Variants in DZIP3 observed in about 807,000 individuals in gnomAD.
The protein encoded by DZIP3 is E3 ubiquitin-protein ligase DZIP3.
A neutral mutation model predicts 162.0 loss-of-function variants in DZIP3; 118 were observed. That is an observed-to-expected ratio of 0.73 (90% CI 0.63 to 0.85). The LOEUF is 0.85. Ranked by LOEUF, DZIP3 falls within the 40% of genes least tolerant of loss-of-function variation. The probability of loss-of-function intolerance (pLI) is 0.00; values close to 1 mark genes in which losing one functional copy is unlikely to be tolerated. For synonymous variants in DZIP3, 438 were observed against 458.6 expected (o/e 0.96, Z 0.57); for missense variants, 1,331 against 1,407.0 (o/e 0.95, Z 0.86).
intron 1 of DZIP3, among the ~76,000 whole-genome samples, chr3:108,592,021 C>G (rs1939450537): frequency 6.6e-6 from 1 of 151,242 alleles, no homozygotes. Context: ...GTCCCAATGA[C>G]CAAAGGCCTT....
At chr3:108,654,481 A>G (rs1451615730) in intron 19 of DZIP3, 171 bp downstream of exon 19, 2 of 645,500 alleles carry the variant, frequency 3.1e-6, no homozygotes, top group Admixed American at 6.3e-5. Context: ...TAGAATAAGG[A>G]AAAAAAAGAA....
intron 2 of DZIP3, among the ~76,000 whole-genome samples, chr3:108,605,826 T>C (rs1425110844): frequency 1.3e-5 from 2 of 152,236 alleles, no homozygotes; most frequent in African/African-American, 4.8e-5. Context: ...GCATTTGTTG[T>C]ATTCCTAAAG....
At chr3:108,638,185 A>C (rs567145947) in intron 12 of DZIP3, among the ~76,000 whole-genome samples, 37 of 152,258 alleles carry the variant, frequency 2.4e-4, no homozygotes, top group African/African-American at 8.4e-4. Context: ...TTATATACCT[A>C]CCTGCATACT....
chr3:108,655,723 G>A (rs970717780), intron 19 of DZIP3, among the ~76,000 whole-genome samples: 6 of 152,322 alleles, frequency 3.9e-5, no homozygotes, highest in East Asian at 1.9e-4. Flanking sequence ...GGAAGCGCAC[G>A]GGGTCAGGGA....
chr3:108,629,823 A>G (rs1039179609), intron 8 of DZIP3, among the ~76,000 whole-genome samples: 1 of 151,340 alleles, frequency 6.6e-6, no homozygotes, highest in South Asian at 2.1e-4. Context: ...ATATATAAAT[A>G]TATAGTATTT....
Position 108,629,184 on chromosome 3 carries a change from A to C in DZIP3, c.696+8A>C, listed in dbSNP as rs192612525. ...TTACCTACAACTTTTAAAGTAAGAA[A>C]TTATTTAAGAGTAACATTTTATTTG... On this transcript the variant is annotated splice_region_variant and intron_variant, in intron 8 of 32. Coordinates refer to ENST00000361582, the MANE Select transcript of DZIP3 (RefSeq NM_014648.4). 733 of 1,502,984 alleles carry C rather than the reference A, an allele frequency of 4.9e-4. 3 individuals are homozygous for C. The African/African-American group carries it at 8.8e-3, about 18-fold the overall frequency. The allele number at this position is 1,502,984 out of a possible 1,614,324, so 93.1% of individuals were successfully genotyped here.
At chr3:108,607,529 G>C (rs1940448548) in intron 2 of DZIP3, among the ~76,000 whole-genome samples, 1 of 152,112 alleles carries the variant, frequency 6.6e-6, no homozygotes, top group Admixed American at 6.5e-5. Flanking sequence ...TTTCAGTTCA[G>C]TATATAATAC....
chr3:108,624,410 T>A lies in DZIP3; in HGVS notation c.376-34T>A, dbSNP rs545249886. The A allele has an allele frequency of 7.9e-6, 10 of 1,261,074 alleles. No homozygotes were observed. The East Asian group carries it at 2.4e-4, about 30-fold the overall frequency. 78.1% of individuals were successfully genotyped at this position (1,261,074 alleles called of 1,614,324 possible). On this transcript the variant is annotated intron_variant, in intron 5 of 32. Transcript: ENST00000361582. ...TGTTGTACTGAAAAGTAGCTTAGTC[T>A]AAATAACCAATTAACATATTTTTTT...
At chr3:108,659,826 C>T (rs528806105) in intron 19 of DZIP3, among the ~76,000 whole-genome samples, 6 of 152,152 alleles carry the variant, frequency 3.9e-5, no homozygotes, top group Non-Finnish European at 8.8e-5. Context: ...AAATCACAAG[C>T]ATTCTTATAC....
chr3:108,676,302 G>T (rs1297553801), intron 25 of DZIP3, among the ~76,000 whole-genome samples: 1 of 151,980 alleles, frequency 6.6e-6, no homozygotes, highest in Non-Finnish European at 1.5e-5. Context: ...AATAGAGTGA[G>T]ACTCTCTCTA....
chr3:108,670,853 G>A (rs1943903357), intron 22 of DZIP3, among the ~76,000 whole-genome samples: 1 of 151,898 alleles, frequency 6.6e-6, no homozygotes, highest in South Asian at 2.1e-4. Flanking sequence ...TATAAATGTG[G>A]TTTTGATTTG....
chr3:108,689,390 A>T (rs1233458357), intron 31 of DZIP3, among the ~76,000 whole-genome samples: 1 of 152,090 alleles, frequency 6.6e-6, no homozygotes, highest in Non-Finnish European at 1.5e-5. Context: ...TTGAGTTTTG[A>T]TGTTAGAAAA....
chr3:108,631,643 C>T (rs1226431419), intron 8 of DZIP3, among the ~76,000 whole-genome samples: 2 of 133,226 alleles, frequency 1.5e-5, no homozygotes, highest in Admixed American at 8.0e-5. Context: ...AGGCTGCTCT[C>T]AAACTCCTGG....
At chr3:108,659,606 C>A (rs1323697021) in intron 19 of DZIP3, among the ~76,000 whole-genome samples, 7 of 151,918 alleles carry the variant, frequency 4.6e-5, no homozygotes, top group Non-Finnish European at 1.0e-4. Context: ...CTCACCACTC[C>A]TATTCAACAT....
At chr3:108,642,417 T>C in intron 12 of DZIP3, 21 bp from the exon 13 acceptor site, 1 of 1,467,152 alleles carries the variant, frequency 6.8e-7, no homozygotes, top group South Asian at 1.3e-5. Context: ...CCACTATAAC[T>C]TAATTTTTTT....
In DZIP3 at chr3:108,665,692, C is replaced by CA. The variant is rs199814241; in HGVS notation, c.2423+3438dup. On this transcript the variant is annotated intron_variant, in intron 21 of 32. Coordinates refer to ENST00000361582, the MANE Select transcript of DZIP3 (RefSeq NM_014648.4). ...TAACTTAACTTCTGAAAACAAAAGA[C>CA]AAAGAAAAGGCTTGAAAACAGGCAG... 4.7e-3 allele frequency among the ~76,000 whole-genome samples: 719 copies of CA among 152,100 alleles called. 9 individuals are homozygous for CA. Among genetic ancestry groups the CA allele is most frequent in the Middle Eastern group, 0.01 (3 of 294 alleles).
At chr3:108,592,395 AG>A (rs1435956449) in intron 1 of DZIP3, among the ~76,000 whole-genome samples, 1 of 152,142 alleles carries the variant, frequency 6.6e-6, no homozygotes, top group African/African-American at 2.4e-5. Flanking sequence ...GTTAGTTAAT[AG>A]AAAGTATTAA....
At chr3:108,670,805 G>A (rs986589476) in intron 22 of DZIP3, among the ~76,000 whole-genome samples, 5 of 151,880 alleles carry the variant, frequency 3.3e-5, no homozygotes, top group South Asian at 2.1e-4. Flanking sequence ...GTTAGATTAC[G>A]TCTTTATTTT....
chr3:108,597,576 C>G (rs981566212), intron 1 of DZIP3, among the ~76,000 whole-genome samples: 1 of 152,070 alleles, frequency 6.6e-6, no homozygotes, highest in African/African-American at 2.4e-5. Context: ...CTTTGCTTAT[C>G]TCACTTTTAA....
Sources: gnomAD v4.1 joint callset for allele counts (sites outside exome capture counted in the v4.1 genomes callset) on GRCh38, gnomAD v4.1.1 for gene constraint, MANE v1.5 for transcripts, NCBI Gene and HGNC (gene_info 2026-07-23, HGNC 2026-07-21) for gene names.